Variants in ANKS1B observed in about 807,000 individuals in gnomAD.
ANKS1B encodes ankyrin repeat and sterile alpha motif domain-containing protein 1B.
In ANKS1B, 36 loss-of-function variants were observed where a neutral mutation model predicts 148.3. The observed-to-expected ratio is 0.24, with a 90% CI of 0.19 to 0.32. ANKS1B has a LOEUF of 0.32. ANKS1B is among the 10% of genes least tolerant of loss of function. The pLI is 1.00. For synonymous variants in ANKS1B, 542 were observed against 560.8 expected, an observed-to-expected ratio of 0.97 and a Z score of 0.47; for missense variants, 1,157 against 1,542.6, an observed-to-expected ratio of 0.75 and a Z score of 4.19.
intron 3 of ANKS1B, among the ~76,000 whole-genome samples, chr12:99,810,444 T>A (rs1344242443): frequency 1.3e-5 from 2 of 151,916 alleles, no homozygotes; most frequent in South Asian, 4.2e-4. Context: ...AAAATAAAAA[T>A]CCTACATCAA....
chr12:99,307,880 G>A (rs1315931072), intron 12 of ANKS1B, among the ~76,000 whole-genome samples: 1 of 152,024 alleles, frequency 6.6e-6, no homozygotes, highest in African/African-American at 2.4e-5. Context: ...AGGTCACACA[G>A]CCAATTTGTT....
rs372812296 is a variant in ANKS1B, at chr12:98,800,989, T to C, written c.3270+8A>G. The C allele has an allele frequency of 1.2e-6, 2 of 1,610,070 alleles. No individual in the cohort carries two copies. Among genetic ancestry groups the C allele is most frequent in the African/African-American group, 1.3e-5 (1 of 74,816 alleles). ...TTAGGCCCAAATACTGAATTGAGGG[T>C]AACTTACAAAAGCTTTGTAATCACA... On this transcript the variant is annotated splice_region_variant and intron_variant, in intron 21 of 26. Transcript: ENST00000683438.
intron 12 of ANKS1B, among the ~76,000 whole-genome samples, chr12:99,332,505 T>C (rs1294637180): frequency 6.6e-6 from 1 of 151,980 alleles, no homozygotes; most frequent in Non-Finnish European, 1.5e-5. Context: ...GCATTGTCCC[T>C]GCCCTTAATT....
intron 9 of ANKS1B, among the ~76,000 whole-genome samples, chr12:99,613,178 T>C (rs542234106): frequency 2.3e-4 from 35 of 152,212 alleles, no homozygotes; most frequent in South Asian, 1.5e-3. Flanking sequence ...TTTCGACTAT[T>C]ATTCAAAAGT....
At chr12:98,900,122 A>T (rs1382319101) in intron 17 of ANKS1B, among the ~76,000 whole-genome samples, 1 of 152,342 alleles carries the variant, frequency 6.6e-6, no homozygotes, top group East Asian at 1.9e-4. Flanking sequence ...TTCTCAACAG[A>T]TCCATATAGA....
chr12:98,773,904 T>C (rs1346952578), intron 24 of ANKS1B, among the ~76,000 whole-genome samples: 1 of 152,208 alleles, frequency 6.6e-6, no homozygotes, highest in Non-Finnish European at 1.5e-5. Flanking sequence ...TCTGACCCAA[T>C]GAGGCTCTTC....
intron 1 of ANKS1B, among the ~76,000 whole-genome samples, chr12:99,841,060 C>T (rs566581538): frequency 6.6e-6 from 1 of 152,276 alleles, no homozygotes; most frequent in Admixed American, 6.5e-5. Context: ...GATCCCCTCC[C>T]TAACTGCACC....
intron 16 of ANKS1B, among the ~76,000 whole-genome samples, chr12:99,083,182 A>T (rs2050426854): frequency 6.6e-6 from 1 of 152,224 alleles, no homozygotes. Flanking sequence ...AAATTTCATC[A>T]GACAATTTCC....
chr12:99,713,258 C>A (rs894754054), intron 8 of ANKS1B, among the ~76,000 whole-genome samples: 4 of 152,146 alleles, frequency 2.6e-5, no homozygotes, highest in African/African-American at 9.7e-5. Flanking sequence ...TATCTAAAAT[C>A]GTTCCAAGGC....
intron 17 of ANKS1B, among the ~76,000 whole-genome samples, chr12:98,887,671 G>C (rs888737385): frequency 6.6e-6 from 1 of 151,776 alleles, no homozygotes; most frequent in African/African-American, 2.4e-5. Flanking sequence ...GTAGTGGTGC[G>C]ATCTTGGCTC....
rs148178145 is a variant in ANKS1B, at chr12:99,045,847, CAGA to C, written c.2778+7307_2778+7309del. ...GGCCATGCAGCAGAAAGGAAGAATT[CAGA>C]AGGAGTCTGCAAGACTCCTTAAATA... is the stretch of plus-strand genomic sequence containing the variant. On this transcript the variant is annotated intron_variant, in intron 17 of 26. Transcript: ENST00000683438. Among the ~76,000 whole-genome samples, 621 of 152,270 alleles carry C rather than the reference CAGA, an allele frequency of 4.1e-3. 23 individuals carry two copies. The East Asian group carries it at 0.087, about 21-fold the overall frequency.
At chr12:99,128,720 T>G (rs1425439433) in intron 15 of ANKS1B, among the ~76,000 whole-genome samples, 3 of 152,166 alleles carry the variant, frequency 2.0e-5, no homozygotes, top group African/African-American at 7.2e-5. Flanking sequence ...AATTTTCCAG[T>G]CTGTTGAGTA....
chr12:99,750,931 T>C (rs2153594673), intron 8 of ANKS1B, among the ~76,000 whole-genome samples: 1 of 152,184 alleles, frequency 6.6e-6, no homozygotes, highest in Middle Eastern at 3.4e-3. Context: ...ATAGCTAGTA[T>C]TACCTTAACT....
At position 99,098,619 on chromosome 12, in the gene ANKS1B, C is replaced by CTT. The variant is rs71081896; in HGVS notation, c.2527-13598_2527-13597dup. Among the ~76,000 whole-genome samples, 173 of 32,118 alleles carry CTT rather than the reference C, an allele frequency of 5.4e-3. 36 individuals are homozygous for CTT. Among genetic ancestry groups the CTT allele is most frequent in the Middle Eastern group, 0.036 (1 of 28 alleles). 21.1% of individuals were successfully genotyped at this position (32,118 alleles called of 152,430 possible). ...AATAAAGCATGCCTGCTAGGAACTA[C>CTT]TTTTTTTTTTTTTTTTTTTTTTTTT... On this transcript the variant is annotated intron_variant, in intron 15 of 26. Transcript: ENST00000683438.
chr12:99,060,335 C>T (rs906942398), intron 16 of ANKS1B, among the ~76,000 whole-genome samples: 1 of 151,980 alleles, frequency 6.6e-6, no homozygotes, highest in Non-Finnish European at 1.5e-5. Context: ...AGAGAAACCA[C>T]AGGACAGTAC....
intron 9 of ANKS1B, chr12:99,649,579 A>C: frequency 1.8e-6 from 1 of 562,708 alleles, no homozygotes; most frequent in African/African-American, 1.9e-5. Context: ...GAAACACAGC[A>C]CTGGCAAAAG....
intron 17 of ANKS1B, among the ~76,000 whole-genome samples, chr12:98,911,325 G>C (rs2099786576): frequency 6.6e-6 from 1 of 152,120 alleles, no homozygotes; most frequent in Non-Finnish European, 1.5e-5. Flanking sequence ...GGGACCTAAA[G>C]AAAGCATTAT....
chr12:98,870,371 A>T (rs1255681289), intron 17 of ANKS1B, among the ~76,000 whole-genome samples: 1 of 152,240 alleles, frequency 6.6e-6, no homozygotes, highest in African/African-American at 2.4e-5. Flanking sequence ...CAATCCAATA[A>T]AGGTGGTTGG....
At chr12:99,840,582 C>T (rs1201687005) in intron 1 of ANKS1B, among the ~76,000 whole-genome samples, 4 of 151,932 alleles carry the variant, frequency 2.6e-5, no homozygotes, top group African/African-American at 4.8e-5. Flanking sequence ...GGAAAAAATG[C>T]TTGGATTATG....
Sources: gnomAD v4.1 joint callset for allele counts (sites outside exome capture counted in the v4.1 genomes callset) on GRCh38, gnomAD v4.1.1 for gene constraint, MANE v1.5 for transcripts, NCBI Gene and HGNC (gene_info 2026-07-23, HGNC 2026-07-21) for gene names.